The following ADAM17 variants were observed in gnomAD, a reference collection of about 807,000 sequenced individuals.
The protein encoded by ADAM17 is ADAM metallopeptidase domain 17.
ADAM17 carries 39 observed loss-of-function variants against 96.7 expected under a neutral mutation model. That is an observed-to-expected ratio of 0.40 (90% CI 0.31 to 0.53). The LOEUF (loss-of-function observed/expected upper bound fraction) is 0.53, where lower values mean the gene tolerates loss of function less well. ADAM17 is among the 20% of genes least tolerant of loss of function. The pLI is 0.44. For missense variants in ADAM17, 777 were observed against 1,013.2 expected (o/e 0.77, Z 3.17); for synonymous variants, 344 against 359.2 (o/e 0.96, Z 0.48).
At position 9,536,770 on chromosome 2, in the gene ADAM17, C is replaced by A. The variant is rs377513734; in HGVS notation, c.289G>T (p.Val97Leu). Residue 97 changes from valine (V) to leucine (L), a missense_variant, in exon 3 of 19, where the codon GTG becomes TTG. Val to Leu is a conservative substitution (Grantham distance 32, BLOSUM62 1). Transcript: ENST00000310823. ...TERFSQNFKV[V>L]VVDGKNESEY... ...CTTTCGTTTTTACCATCCACCACCA[C>A]GACCTTGAAATTTTGTGAAAAACGT... The A allele has an allele frequency of 3.1e-6, 5 of 1,613,950 alleles. No individual in the cohort carries two copies. In the African/African-American group the frequency reaches 4.0e-5, roughly 13 times the overall value.
chr2:9,522,383 A>G (rs778300458), intron 7 of ADAM17: 16 of 563,756 alleles, frequency 2.8e-5, no homozygotes, highest in Admixed American at 2.6e-4. Context: ...CAGGCTGCAG[A>G]GACTTACTTT....
intron 4 of ADAM17, among the ~76,000 whole-genome samples, chr2:9,528,650 G>A (rs994506166): frequency 1.3e-5 from 2 of 152,110 alleles, no homozygotes; most frequent in Non-Finnish European, 2.9e-5. Context: ...TAAGAACACT[G>A]GTCTCATCAG....
chr2:9,523,615 G>A (rs1414059071), intron 6 of ADAM17, among the ~76,000 whole-genome samples: 1 of 152,110 alleles, frequency 6.6e-6, no homozygotes, highest in Non-Finnish European at 1.5e-5. Flanking sequence ...CAAGTAACAG[G>A]CTTTTTTAAA....
intron 1 of ADAM17, among the ~76,000 whole-genome samples, chr2:9,547,378 A>C (rs772023521): frequency 9.9e-5 from 15 of 152,170 alleles, no homozygotes; most frequent in African/African-American, 3.4e-4. Context: ...AATTATTATA[A>C]AGTACATCAC....
chr2:9,536,961 T>C, intron 2 of ADAM17, 133 bp from the exon 3 acceptor site: 1 of 1,035,246 alleles, frequency 9.7e-7, no homozygotes, highest in Non-Finnish European at 1.4e-6. Flanking sequence ...ACTAAAGTCT[T>C]ATTAGGTACT....
chr2:9,496,549 TC>T (rs1662617099), intron 14 of ADAM17: 1 of 152,708 alleles, frequency 6.5e-6, no homozygotes, highest in South Asian at 2.1e-4. Context: ...ACCCAGGGGT[TC>T]CAAAATAGCA....
chr2:9,516,686 G>A (rs1269943297), intron 10 of ADAM17, among the ~76,000 whole-genome samples: 1 of 152,122 alleles, frequency 6.6e-6, no homozygotes, highest in Non-Finnish European at 1.5e-5. Context: ...CCAGAAGGCA[G>A]AGGTTACAGT....
chr2:9,536,950 A>C (rs1249262900), intron 2 of ADAM17, 122 bp from the exon 3 acceptor site: 2 of 1,152,642 alleles, frequency 1.7e-6, no homozygotes, highest in African/African-American at 3.1e-5. Context: ...TGCAAGTTAC[A>C]ACTAAAGTCT....
chr2:9,523,467 A>G, intron 6 of ADAM17, 129 bp from the exon 7 acceptor site: 5 of 714,702 alleles, frequency 7.0e-6, no homozygotes, highest in Non-Finnish European at 1.1e-5. Flanking sequence ...TACTTTCGCA[A>G]AAACTAGCAT....
chr2:9,500,251 C>T (rs1010635702), intron 13 of ADAM17, among the ~76,000 whole-genome samples: 3 of 152,180 alleles, frequency 2.0e-5, no homozygotes, highest in Non-Finnish European at 4.4e-5. Flanking sequence ...CTACAACATA[C>T]ATGAACCTTA....
rs1459897554 is a variant in ADAM17 at position 9,488,795 on chromosome 2, G to A, written c.*1382C>T. The A allele has an allele frequency of 6.6e-6, 1 of 152,242 alleles. No homozygotes were observed. Among genetic ancestry groups the A allele is most frequent in the Non-Finnish European group, 1.5e-5 (1 of 68,094 alleles). 9.4% of individuals were successfully genotyped at this position (152,242 alleles called of 1,614,324 possible). A position where few individuals can be genotyped will look rare whatever the true frequency, so the allele number is the denominator to read the frequency against. ...TATAACAAGTATCTGAGTAACAAAT[G>A]TCCTTGGAAATGGGGGGTAGGAGGA... On this transcript the variant is annotated 3_prime_UTR_variant, in exon 19 of 19. Transcript: ENST00000310823.
intron 2 of ADAM17, among the ~76,000 whole-genome samples, chr2:9,538,432 A>G (rs1665077686): frequency 6.6e-6 from 1 of 152,208 alleles, no homozygotes; most frequent in African/African-American, 2.4e-5. Flanking sequence ...AAGGGAAAAG[A>G]CAATAGAACA....
intron 5 of ADAM17, among the ~76,000 whole-genome samples, chr2:9,526,753 GC>G (rs1176653357): frequency 6.6e-6 from 1 of 151,996 alleles, no homozygotes; most frequent in African/African-American, 2.4e-5. Flanking sequence ...CCAAGATTGT[GC>G]CATTGCACTC....
intron 2 of ADAM17, among the ~76,000 whole-genome samples, chr2:9,537,692 C>G (rs1665015681): frequency 1.3e-5 from 2 of 151,628 alleles, no homozygotes; most frequent in African/African-American, 4.8e-5. Context: ...AGATCGCCAG[C>G]CTGGTTGACA....
intron 10 of ADAM17, among the ~76,000 whole-genome samples, chr2:9,515,498 A>C (rs769228931): frequency 1.2e-4 from 19 of 152,242 alleles, no homozygotes; most frequent in Non-Finnish European, 2.6e-4. Flanking sequence ...GCACTTTGGG[A>C]GGCTGAAGCA....
chr2:9,520,964 C>CAAAAAAA (rs55909096), intron 8 of ADAM17, among the ~76,000 whole-genome samples: 296 of 26,268 alleles, frequency 0.011, 26 homozygotes, highest in Non-Finnish European at 0.02. Context: ...AACTCTGTCT[C>CAAAAAAA]AAAAAAAAAA....
At chr2:9,521,491 C>T (rs185484746) in intron 7 of ADAM17, 175 bp from the exon 8 acceptor site, 4 of 366,110 alleles carry the variant, frequency 1.1e-5, no homozygotes, top group South Asian at 5.2e-5. Context: ...AACAGAGAAG[C>T]ATATGGTATG....
At chr2:9,511,401 G>C (rs1018227371) in intron 10 of ADAM17, among the ~76,000 whole-genome samples, 3 of 151,864 alleles carry the variant, frequency 2.0e-5, no homozygotes, top group Admixed American at 1.3e-4. Context: ...AGTGAGCTGA[G>C]ATCATGCCAT....
chr2:9,526,001 T>C, intron 6 of ADAM17, 110 bp downstream of exon 6: 1 of 1,106,246 alleles, frequency 9.0e-7, no homozygotes, highest in Non-Finnish European at 1.2e-6. Context: ...CCCTCAAATA[T>C]TTTAGGGAAA....
Sources: gnomAD v4.1 joint callset for allele counts (sites outside exome capture counted in the v4.1 genomes callset) on GRCh38, gnomAD v4.1.1 for gene constraint, MANE v1.5 for transcripts, NCBI Gene and HGNC (gene_info 2026-07-23, HGNC 2026-07-21) for gene names.